COL4A1: variants seen among roughly 807,000 people sequenced by gnomAD.
COL4A1 encodes the protein collagen alpha-1(IV) chain.
Under a neutral mutation model 216.6 loss-of-function variants are expected in COL4A1, and 40 were observed. That is an observed-to-expected ratio of 0.18 (90% CI 0.14 to 0.24). COL4A1 has a LOEUF of 0.24. Among genes scored for constraint, COL4A1 ranks in the 10% least tolerant of loss-of-function variants. The pLI is 1.00. For synonymous variants in COL4A1, 839 were observed against 810.7 expected (o/e 1.03, Z -0.59); for missense variants, 1,628 against 2,196.8 (o/e 0.74, Z 5.18).
rs1317110288 is a variant in COL4A1 at position 110,268,280 on chromosome 13, C to A, written c.85-25546G>T. Among the ~76,000 whole-genome samples the A allele has an allele frequency of 6.6e-6, 1 of 152,190 alleles. No individual in the cohort carries two copies. The highest frequency in any genetic ancestry group is 1.5e-5 in the Non-Finnish European group (1 of 68,042). Reference sequence around the variant, plus strand: ...TGGATGACGAATGGCTCTGCACACTCCTGTGATGAGCACTCTGATGCCTGT... The same window carrying A: ...TGGATGACGAATGGCTCTGCACACTACTGTGATGAGCACTCTGATGCCTGT... On this transcript the variant is annotated intron_variant, in intron 1 of 51. Coordinates refer to ENST00000375820, the MANE Select transcript of COL4A1 (RefSeq NM_001845.6). This position sits in a 1 kb window ranked among gnomAD's most constrained non-coding sequence, Gnocchi z 4.1.
intron 2 of COL4A1, among the ~76,000 whole-genome samples, chr13:110,214,679 C>A (rs1478395154): frequency 6.6e-6 from 1 of 152,210 alleles, no homozygotes; most frequent in African/African-American, 2.4e-5. Context: ...CTCTGGCCTT[C>A]AGATTCAGGG....
intron 1 of COL4A1, among the ~76,000 whole-genome samples, chr13:110,288,275 AAT>A (rs200196726): frequency 0.016 from 1,831 of 115,264 alleles, 24 homozygotes; most frequent in African/African-American, 0.044. Context: ...AAAAAAAAAA[AAT>A]AATAATAATA....
intron 6 of COL4A1, 116 bp downstream of exon 6, chr13:110,212,301 C>T: frequency 7.8e-7 from 1 of 1,280,654 alleles, no homozygotes; most frequent in Non-Finnish European, 1.1e-6. Flanking sequence ...TTAAGACAAG[C>T]AACTTTCCAA....
chr13:110,160,512 CCT>C (rs1245684794), intron 49 of COL4A1, among the ~76,000 whole-genome samples: 1 of 151,932 alleles, frequency 6.6e-6, no homozygotes, highest in East Asian at 1.9e-4. Flanking sequence ...TTAAAAGGCT[CCT>C]TGGGGAAGCT....
intron 1 of COL4A1, among the ~76,000 whole-genome samples, chr13:110,261,472 T>C (rs976050931): frequency 1.3e-5 from 2 of 152,256 alleles, no homozygotes; most frequent in African/African-American, 4.8e-5. Context: ...AAAACCCCAG[T>C]GCTGCTTCTG....
intron 45 of COL4A1, 152 bp downstream of exon 45, chr13:110,166,080 A>C: frequency 2.8e-6 from 2 of 721,156 alleles, no homozygotes; most frequent in Non-Finnish European, 5.2e-6. Context: ...AGGAATCTTG[A>C]CTTGCTGCAA....
At chr13:110,234,442 T>TG (rs779034479) in intron 2 of COL4A1, among the ~76,000 whole-genome samples, 18 of 151,572 alleles carry the variant, frequency 1.2e-4, no homozygotes, top group East Asian at 1.2e-3. Context: ...ATTAGCCAGG[T>TG]GGGGGGGTAC....
At chr13:110,237,710 A>G (rs190296113) in intron 2 of COL4A1, among the ~76,000 whole-genome samples, 282 of 152,376 alleles carry the variant, frequency 1.9e-3, no homozygotes, top group African/African-American at 6.2e-3. Flanking sequence ...GGATTTTTCT[A>G]TCCTAGCCTA....
chr13:110,160,963 C>G (rs930180398), intron 49 of COL4A1: 22 of 564,216 alleles, frequency 3.9e-5, no homozygotes, highest in Non-Finnish European at 9.4e-6. Context: ...CTCGCCTCGG[C>G]TTCCCAAAGT....
intron 2 of COL4A1, among the ~76,000 whole-genome samples, chr13:110,217,170 G>T (rs574179612): frequency 3.3e-5 from 5 of 152,178 alleles, no homozygotes; most frequent in African/African-American, 1.2e-4. Context: ...CAGAGCAAAC[G>T]GACAGAATAA....
At position 110,162,321 on chromosome 13, in the gene COL4A1, G is replaced by T; in HGVS notation, c.4371C>A (p.Asp1457Glu). ...TTTTGGTCCCAGAAGGACACTGTGG[G>T]TCATCTATTGTTTGACTATGCCTGG... ...LVTRHSQTID[D>E]PQCPSGTKIL... Residue 1457 changes from aspartate to glutamate, a missense_variant, in exon 48 of 52, where the codon GAC (aspartate) becomes GAA (glutamate). Asp to Glu is a conservative substitution (Grantham distance 45, BLOSUM62 2). Transcript: ENST00000375820. 6.2e-7 allele frequency: 1 copy of T among 1,614,190 alleles called. No individual in the cohort carries two copies. The highest frequency in any genetic ancestry group is 8.5e-7 in the Non-Finnish European group (1 of 1,180,006).
chr13:110,168,981 C>A (rs192725929), intron 43 of COL4A1, among the ~76,000 whole-genome samples: 1 of 152,078 alleles, frequency 6.6e-6, no homozygotes, highest in Non-Finnish European at 1.5e-5. Flanking sequence ...AAAATCAAAC[C>A]AAAGATCCAT....
intron 49 of COL4A1, among the ~76,000 whole-genome samples, chr13:110,158,396 G>A (rs188862063): frequency 2.1e-4 from 32 of 152,290 alleles, no homozygotes; most frequent in African/African-American, 3.8e-4. Flanking sequence ...TGCCTGGCAC[G>A]TAACCCTGGT....
At chr13:110,195,810 T>G (rs914420756) in intron 21 of COL4A1, among the ~76,000 whole-genome samples, 1 of 152,224 alleles carries the variant, frequency 6.6e-6, no homozygotes, top group African/African-American at 2.4e-5. Context: ...AGTGAACAAC[T>G]TGGTATCCAG....
intron 1 of COL4A1, among the ~76,000 whole-genome samples, chr13:110,287,621 A>T (rs1883893608): frequency 6.6e-6 from 1 of 152,190 alleles, no homozygotes; most frequent in Admixed American, 6.5e-5. Context: ...CTGCTGTGAG[A>T]CCCAGAAAGA....
chr13:110,241,905 C>T (rs182974536), intron 2 of COL4A1, among the ~76,000 whole-genome samples: 24 of 152,306 alleles, frequency 1.6e-4, no homozygotes, highest in Admixed American at 7.8e-4. Flanking sequence ...TACAGAGTAT[C>T]CACTCCATTC....
intron 18 of COL4A1, among the ~76,000 whole-genome samples, chr13:110,201,997 C>T (rs1240277431): frequency 6.6e-6 from 1 of 152,082 alleles, no homozygotes; most frequent in Non-Finnish European, 1.5e-5. Flanking sequence ...AAGAAACAAA[C>T]AGCAACAACA....
chr13:110,281,685 C>T (rs1883640386), intron 1 of COL4A1, among the ~76,000 whole-genome samples: 1 of 152,228 alleles, frequency 6.6e-6, no homozygotes, highest in Admixed American at 6.5e-5. Context: ...TTTACCTCCA[C>T]TATCTGAAAT....
At chr13:110,219,088 C>A (rs1379495626) in intron 2 of COL4A1, among the ~76,000 whole-genome samples, 2 of 152,180 alleles carry the variant, frequency 1.3e-5, no homozygotes, top group East Asian at 3.9e-4. Context: ...GTGGGTGCCG[C>A]GGGGTCATGG....
Sources: allele counts gnomAD v4.1 joint callset (sites outside exome capture counted in the v4.1 genomes callset), GRCh38; gene constraint gnomAD v4.1.1; non-coding constraint Gnocchi (gnomAD v3.1); transcripts MANE v1.5; gene names NCBI Gene and HGNC (gene_info 2026-07-23, HGNC 2026-07-21).